SPRED3: variants seen among roughly 807,000 people sequenced by gnomAD.
The protein encoded by SPRED3 is sprouty-related, EVH1 domain-containing protein 3.
A neutral mutation model predicts 37.6 loss-of-function variants in SPRED3; 23 were observed. The observed-to-expected ratio is 0.61, with a 90% CI of 0.44 to 0.87. SPRED3 has a LOEUF of 0.87. Among genes scored for constraint, SPRED3 ranks in the 40% least tolerant of loss-of-function variants. The probability of loss-of-function intolerance (pLI) is 0.00; values close to 1 mark genes in which losing one functional copy is unlikely to be tolerated. For missense variants in SPRED3, 584 were observed against 618.6 expected (o/e 0.94, Z 0.59); for synonymous variants, 302 against 279.6 (o/e 1.08, Z -0.80).
chr19:38,397,903 T>TAAAAAAAAAAAAAAAAAAAAAAAAAAAAA lies in SPRED3; in HGVS notation c.*1773_*1774insAAAAAAAAAAAAAAAAAAAAAAAAAAAAA, dbSNP rs774014740. ...CTGGGCAATGTAGTGAGACCGTCTC[T>TAAAAAAAAAAAAAAAAAAAAAAAAAAAAA]AAAAAAAAAAAAAAAGGACCAAGTA... On this transcript the variant is annotated 3_prime_UTR_variant, in exon 6 of 6. Transcript: ENST00000691638. The TAAAAAAAAAAAAAAAAAAAAAAAAAAAAA allele has an allele frequency of 7.6e-6, 1 of 131,984 alleles. No individual in the cohort carries two copies. The highest frequency in any genetic ancestry group is 2.9e-5 in the African/African-American group (1 of 34,240). 8.2% of individuals were successfully genotyped at this position (131,984 alleles called of 1,614,324 possible).
At chr19:38,394,509 T>C in intron 4 of SPRED3, 134 bp from the exon 5 acceptor site, 5 of 1,543,782 alleles carry the variant, frequency 3.2e-6, no homozygotes, top group Admixed American at 3.4e-5. Context: ...ACACAACCAG[T>C]CAGTGACAGA....
chr19:38,388,899 C>T (rs1017669985), intron 1 of SPRED3, 92 bp downstream of exon 1: 3 of 394,688 alleles, frequency 7.6e-6, no homozygotes, highest in Non-Finnish European at 1.3e-5. Flanking sequence ...TTCTGCCCAC[C>T]CAGGCGCCCC....
chr19:38,394,638 T>A lies in SPRED3; in HGVS notation c.424-5T>A, dbSNP rs764933594. Reference sequence around the variant, plus strand: ...CCCCGCGCTGAGGCCGCCAATCTCCTCCAGTCCCACGTGGACAGCGACTCC... The same window carrying A: ...CCCCGCGCTGAGGCCGCCAATCTCCACCAGTCCCACGTGGACAGCGACTCC... On this transcript the variant is annotated splice_region_variant and splice_polypyrimidine_tract_variant and intron_variant, in intron 4 of 5. Transcript: ENST00000691638. The A allele has an allele frequency of 6.3e-7, 1 of 1,593,070 alleles. No homozygotes were observed. Among genetic ancestry groups the A allele is most frequent in the Non-Finnish European group, 8.5e-7 (1 of 1,174,610 alleles).
At chr19:38,394,344 A>G in intron 4 of SPRED3, 1 of 1,539,596 alleles carries the variant, frequency 6.5e-7, no homozygotes, top group Non-Finnish European at 8.8e-7. Flanking sequence ...CACAAAAATA[A>G]CAATAACCAT....
rs1454787190 is a variant in SPRED3, at chr19:38,394,715, A to T, written c.496A>T (p.Ile166Phe). ...TCCTCCCAGCGCCGCTGCGGCCCCC[A>T]TCATCACGATGGAGTCAGCTTCAGG... is the stretch of plus-strand genomic sequence containing the variant. ...ETPPSAAAAP[I>F]ITMESASGFG... The change falls in exon 5 of 6, where the codon ATC becomes TTC. Residue 166 changes from isoleucine to phenylalanine, a missense_variant. Physicochemically the swap from Ile to Phe is conservative, Grantham distance 21. Around this residue, in one of 7 missense-constraint regions of SPRED3, gnomAD observed 310 missense variants for 281.1 expected, o/e 1.10. Transcript: ENST00000691638. The T allele has an allele frequency of 2.5e-6, 4 of 1,593,708 alleles. No individual in the cohort carries two copies. In the African/African-American group the frequency reaches 4.0e-5, roughly 16 times the overall value.
rs1970881226 is a variant in SPRED3 at position 38,395,327 on chromosome 19, C to T, written c.568-153C>T. On this transcript the variant is annotated intron_variant, in intron 5 of 5. Transcript: ENST00000691638. This position sits in a 1 kb window ranked among gnomAD's most constrained non-coding sequence, Gnocchi z 5.2. ...TTGGTGCGTGGATTCCTCTGTCTGT[C>T]CCTGGAGAAAAGTGGGGATTGAGGG... Among the ~76,000 whole-genome samples, 1 of 152,118 alleles carries T rather than the reference C, an allele frequency of 6.6e-6. No homozygotes were observed. The highest frequency in any genetic ancestry group is 2.1e-4 in the South Asian group (1 of 4,828).
chr19:38,394,295 C>T, intron 4 of SPRED3: 2 of 1,425,404 alleles, frequency 1.4e-6, no homozygotes, highest in Non-Finnish European at 1.9e-6. Context: ...TTAGATGTTC[C>T]TCAGGTTTGG....
At chr19:38,394,380 A>G in intron 4 of SPRED3, 1 of 1,588,562 alleles carries the variant, frequency 6.3e-7, no homozygotes. Flanking sequence ...TACTTCAGGC[A>G]TATGCTGTGC....
intron 4 of SPRED3, among the ~76,000 whole-genome samples, chr19:38,393,697 C>G (rs959317642): frequency 6.6e-6 from 1 of 152,166 alleles, no homozygotes; most frequent in Non-Finnish European, 1.5e-5. Flanking sequence ...CGGCAAGGAT[C>G]TTTTGTTCGT....
intron 2 of SPRED3, 146 bp downstream of exon 2, chr19:38,390,625 A>C: frequency 3.2e-6 from 2 of 631,422 alleles, no homozygotes. Flanking sequence ...TGTCCTGTAG[A>C]TAAGAGTTGG....
At chr19:38,389,142 G>A (rs544661765) in intron 1 of SPRED3, among the ~76,000 whole-genome samples, 4 of 152,370 alleles carry the variant, frequency 2.6e-5, no homozygotes, top group Non-Finnish European at 5.9e-5. Context: ...ATTCCAGCTA[G>A]GCCCTGGGGG....
chr19:38,392,315 G>T lies in SPRED3; in HGVS notation c.423+27G>T, dbSNP rs753551733. ...TGAGTGTCCAGGATGCCTCTCTGCT[G>T]GGGGAGGGTAGGGGTTTTGTTTTTA... On this transcript the variant is annotated intron_variant, in intron 4 of 5. Coordinates refer to ENST00000691638, the MANE Select transcript of SPRED3 (RefSeq NM_001394336.1). The T allele has an allele frequency of 4.3e-5, 64 of 1,492,056 alleles. No individual in the cohort carries two copies. The South Asian group carries it at 4.7e-4, about 11-fold the overall frequency. The allele number at this position is 1,492,056 out of a possible 1,614,324, so 92.4% of individuals were successfully genotyped here.
rs1381659865 is a variant in SPRED3, at chr19:38,395,772, C to T, written c.860C>T (p.Ala287Val). The change falls in exon 6 of 6, where the codon GCC becomes GTC. Residue 287 changes from alanine (A) to valine (V), a missense_variant. Around this residue, in one of 7 missense-constraint regions of SPRED3, gnomAD observed 310 missense variants for 281.1 expected, o/e 1.10. Transcript: ENST00000691638. This position sits in a 1 kb window ranked among gnomAD's most constrained non-coding sequence, Gnocchi z 5.2. ...GPGPSSAPAK[A>V]SPEAEEAARC... The stretch of plus-strand genomic sequence containing the variant: ...GGCCCATCCTCTGCGCCTGCCAAGG[C>T]CTCCCCGGAAGCGGAGGAGGCAGCG... 5.5e-6 allele frequency: 8 copies of T among 1,461,556 alleles called. No individual in the cohort carries two copies. The highest frequency in any genetic ancestry group is 6.3e-6 in the Non-Finnish European group (7 of 1,115,598). The allele number at this position is 1,461,556 out of a possible 1,614,324, so 90.5% of individuals were successfully genotyped here.
In SPRED3 at chr19:38,396,983, A is replaced by T. The variant is rs572517826; in HGVS notation, c.*838A>T. 6.6e-6 allele frequency: 1 copy of T among 152,220 alleles called. No individual in the cohort carries two copies. Among genetic ancestry groups the T allele is most frequent in the South Asian group, 2.1e-4 (1 of 4,828 alleles). The allele number at this position is 152,220 out of a possible 1,614,324, so 9.4% of individuals were successfully genotyped here. Reference sequence around the variant, plus strand: ...CCATCCCAGAGCCCCCAAGATCCAGATATCAGACACCAAGATGCTCTGGAA... The same window carrying T: ...CCATCCCAGAGCCCCCAAGATCCAGTTATCAGACACCAAGATGCTCTGGAA... On this transcript the variant is annotated 3_prime_UTR_variant, in exon 6 of 6. Transcript: ENST00000691638.
intron 3 of SPRED3, 44 bp downstream of exon 3, chr19:38,392,158 G>C (rs763929520): frequency 1.2e-6 from 2 of 1,608,196 alleles, no homozygotes; most frequent in South Asian, 1.1e-5. Context: ...GCCTGGGAGC[G>C]GGAGGAGAAG....
chr19:38,391,878 T>A (rs1036168566), intron 2 of SPRED3, 68 bp from the exon 3 acceptor site: 2 of 1,575,412 alleles, frequency 1.3e-6, no homozygotes, highest in African/African-American at 2.7e-5. Context: ...TGGGGGCTGG[T>A]GATGGACGAG....
chr19:38,395,057 T>A lies in SPRED3; in HGVS notation c.567+271T>A, dbSNP rs78812069. ...GAAGTCCAGAGAGGTTTAGGACCAT[T>A]TTCAGAGTGTATATTTGGGGAACTC... On this transcript the variant is annotated intron_variant, in intron 5 of 5. Coordinates refer to ENST00000691638, the MANE Select transcript of SPRED3 (RefSeq NM_001394336.1). The surrounding 1 kb of genome is among the most constrained non-coding windows in gnomAD (Gnocchi z 5.2). Among the ~76,000 whole-genome samples the A allele has an allele frequency of 0.013, 1,961 of 152,174 alleles. 30 individuals are homozygous for A. Among genetic ancestry groups the A allele is most frequent in the Non-Finnish European group, 0.02 (1,349 of 68,006 alleles).
At position 38,396,212 on chromosome 19, in the gene SPRED3, C is replaced by T; in HGVS notation, c.*67C>T. 1.7e-6 allele frequency: 2 copies of T among 1,149,596 alleles called. No homozygotes were observed. The highest frequency in any genetic ancestry group is 1.1e-6 in the Non-Finnish European group (1 of 917,976). The allele number at this position is 1,149,596 out of a possible 1,614,324, so 71.2% of individuals were successfully genotyped here. ...ATTGAGGGTCCAGGACCCCGGACTC[C>T]GTTCGGACCTAAAACCCAAACCTAG... On this transcript the variant is annotated 3_prime_UTR_variant, in exon 6 of 6. Coordinates refer to ENST00000691638, the MANE Select transcript of SPRED3 (RefSeq NM_001394336.1).
At chr19:38,394,021 C>T (rs1344944540) in intron 4 of SPRED3, among the ~76,000 whole-genome samples, 1 of 152,194 alleles carries the variant, frequency 6.6e-6, no homozygotes, top group African/African-American at 2.4e-5. Context: ...CAGTGGTCTT[C>T]GTGAGTCTGG....
Sources: gnomAD v4.1 joint callset for allele counts (sites outside exome capture counted in the v4.1 genomes callset) on GRCh38, gnomAD v4.1.1 for gene constraint, gnomAD v4.1.1 regional missense constraint, Gnocchi (gnomAD v3.1) non-coding constraint, MANE v1.5 for transcripts, NCBI Gene and HGNC (gene_info 2026-07-23, HGNC 2026-07-21) for gene names.